Variants in MIER2 observed in about 807,000 individuals in gnomAD.
MIER2 encodes the protein MIER family member 2.
A neutral mutation model predicts 67.6 loss-of-function variants in MIER2; 30 were observed. The ratio of observed to expected loss-of-function variants is 0.44; its 90% CI spans 0.33 to 0.60. The LOEUF is 0.60. MIER2 is among the 20% of genes least tolerant of loss of function. The pLI is 0.02. For missense variants in MIER2, 702 were observed against 745.1 expected (o/e 0.94, Z 0.67); for synonymous variants, 372 against 312.6 (o/e 1.19, Z -2.00).
intron 8 of MIER2, 42 bp downstream of exon 8, chr19:313,450 G>A (rs149676148): frequency 0.011 from 17,462 of 1,595,112 alleles, 112 homozygotes; most frequent in Non-Finnish European, 0.014. Context: ...CCCACGCCAC[G>A]GCAGCCCTCA....
intron 2 of MIER2, among the ~76,000 whole-genome samples, chr19:335,047 TGAA>T (rs1972177021): frequency 6.6e-6 from 1 of 152,180 alleles, no homozygotes; most frequent in Non-Finnish European, 1.5e-5. Context: ...CAGGGCCACA[TGAA>T]GAAGACATGC....
intron 3 of MIER2, among the ~76,000 whole-genome samples, chr19:330,036 T>G (rs1036806248): frequency 1.1e-4 from 17 of 151,798 alleles, no homozygotes; most frequent in African/African-American, 4.1e-4. Flanking sequence ...ATGGAACGAG[T>G]GGTGAGACGA....
At position 307,168 on chromosome 19, in the gene MIER2, C is replaced by A; in HGVS notation, c.1567G>T (p.Ala523Ser). The A allele has an allele frequency of 1.9e-6, 3 of 1,588,026 alleles. No individual in the cohort carries two copies. The highest frequency in any genetic ancestry group is 1.8e-5 in the Admixed American group (1 of 56,214). Residue 523 changes from alanine to serine, a missense_variant, in exon 13 of 14, where the codon GCC becomes TCC. By Grantham distance (99) the Ala-to-Ser change is moderately conservative. Coordinates refer to ENST00000264819, the MANE Select transcript of MIER2 (RefSeq NM_017550.3). ...GIGDVNPFLA[A>S]HPTCPAPGLH... ...CCGGGGGCCGGGCACGTGGGGTGGG[C>A]GGCCAGGAAGGGGTTCACGTCCCCA...
chr19:338,813 G>C (rs1264099141), intron 1 of MIER2, among the ~76,000 whole-genome samples: 1 of 152,110 alleles, frequency 6.6e-6, no homozygotes, highest in Non-Finnish European at 1.5e-5. Flanking sequence ...GGAATGAACA[G>C]TCTTTAACAA....
chr19:323,035 A>C (rs914733629), intron 7 of MIER2, among the ~76,000 whole-genome samples: 1 of 152,168 alleles, frequency 6.6e-6, no homozygotes, highest in South Asian at 2.1e-4. Flanking sequence ...GACACACACA[A>C]CCACACAGAC....
rs200449197 is a variant in MIER2, at chr19:312,241, T to C, written c.839A>G (p.Asn280Ser). ...ALYELVKCNF[N>S]VEEALRRLRF... ...CAGCCTTCGCAGGGCCTCCTCCACATTGAAGTTGCATTTCACCAACTCGTA... is the reference window on the plus strand; with the variant it reads ...CAGCCTTCGCAGGGCCTCCTCCACACTGAAGTTGCATTTCACCAACTCGTA... Residue 280 changes from asparagine to serine, a missense_variant, in exon 9 of 14, where the codon AAT (asparagine) becomes AGT (serine). Coordinates refer to ENST00000264819, the MANE Select transcript of MIER2 (RefSeq NM_017550.3). The C allele has an allele frequency of 1.1e-5, 18 of 1,613,958 alleles. No individual in the cohort carries two copies. Among genetic ancestry groups the C allele is most frequent in the Admixed American group, 5.0e-5 (3 of 60,004 alleles).
At chr19:313,183 C>T (rs1282230101) in intron 8 of MIER2, among the ~76,000 whole-genome samples, 2 of 149,434 alleles carry the variant, frequency 1.3e-5, no homozygotes, top group Non-Finnish European at 3.0e-5. Flanking sequence ...CAGGGACTGG[C>T]ATCAGGGGCC....
chr19:306,530 G>A lies in MIER2; in HGVS notation c.*160C>T, dbSNP rs1011417448. On this transcript the variant is annotated 3_prime_UTR_variant, in exon 14 of 14. Transcript: ENST00000264819. ...TGTGTGGACAGGGGCAAGGGCTCAC[G>A]GCCCAGCCACCTCACCCCAGTCCTG... 1.6e-5 allele frequency: 16 copies of A among 999,684 alleles called. No individual in the cohort carries two copies. The highest frequency in any genetic ancestry group is 2.6e-5 in the East Asian group (1 of 38,334). 61.9% of individuals were successfully genotyped at this position (999,684 alleles called of 1,614,324 possible).
chr19:316,728 G>A (rs1188180082), intron 7 of MIER2, among the ~76,000 whole-genome samples: 1 of 152,224 alleles, frequency 6.6e-6, no homozygotes, highest in Non-Finnish European at 1.5e-5. Context: ...TGTAATGTCA[G>A]CACTTTGGGA....
At chr19:311,063 G>A (rs1459537137) in intron 10 of MIER2, among the ~76,000 whole-genome samples, 1 of 152,354 alleles carries the variant, frequency 6.6e-6, no homozygotes, top group East Asian at 1.9e-4. Context: ...CCGGGCAGGT[G>A]CCTCCTCACC....
At chr19:336,502 T>C (rs1006740029) in intron 1 of MIER2, among the ~76,000 whole-genome samples, 1 of 152,182 alleles carries the variant, frequency 6.6e-6, no homozygotes, top group Admixed American at 6.5e-5. Context: ...AACAACAGCA[T>C]GCACTGGGAG....
At chr19:313,293 G>A (rs1037961216) in intron 8 of MIER2, among the ~76,000 whole-genome samples, 199 bp downstream of exon 8, 8 of 152,148 alleles carry the variant, frequency 5.3e-5, no homozygotes, top group East Asian at 1.9e-4. Context: ...ACCCGGAGGC[G>A]TCTACACCTC....
intron 2 of MIER2, 97 bp downstream of exon 2, chr19:335,986 G>T: frequency 1.7e-6 from 2 of 1,207,608 alleles, no homozygotes; most frequent in African/African-American, 1.5e-5. Flanking sequence ...AAGCCAGTGT[G>T]CCGGTCCACA....
At chr19:328,997 T>G (rs996298457) in intron 3 of MIER2, among the ~76,000 whole-genome samples, 15 of 152,226 alleles carry the variant, frequency 9.9e-5, no homozygotes, top group African/African-American at 3.4e-4. Flanking sequence ...TCTCCAGTGC[T>G]GCTTTCAAAT....
chr19:307,384 C>A lies in MIER2; in HGVS notation c.1351G>T (p.Asp451Tyr), dbSNP rs555185796. 6.2e-7 allele frequency: 1 copy of A among 1,606,980 alleles called. No homozygotes were observed. The highest frequency in any genetic ancestry group is 8.5e-7 in the Non-Finnish European group (1 of 1,177,852). ...PLSHRPPALA[D>Y]PASYQPAVTA... ...ACAGCTGGCTGGTATGAGGCTGGGTCGGCCAGGGCTGGGGGCCGATGGGAC... is the reference window on the plus strand; with the variant it reads ...ACAGCTGGCTGGTATGAGGCTGGGTAGGCCAGGGCTGGGGGCCGATGGGAC... The change falls in exon 13 of 14, where the codon GAC becomes TAC. Residue 451 changes from aspartate (D) to tyrosine (Y), a missense_variant. This residue lies in a region of MIER2 where 254 missense variants were observed against 262.8 expected (regional missense o/e 0.97). Coordinates refer to ENST00000264819, the MANE Select transcript of MIER2 (RefSeq NM_017550.3).
chr19:320,317 T>C (rs764030012), intron 7 of MIER2, among the ~76,000 whole-genome samples: 2 of 151,854 alleles, frequency 1.3e-5, no homozygotes, highest in African/African-American at 4.8e-5. Flanking sequence ...GGAGCAGAGG[T>C]TGCAGTGAGC....
intron 1 of MIER2, chr19:344,410 G>A (rs1438811427): frequency 1.0e-6 from 1 of 983,022 alleles, no homozygotes; most frequent in East Asian, 1.1e-4. Flanking sequence ...GGCCCGGGCC[G>A]GGGCCGGGAA....
At chr19:317,590 C>T (rs965777505) in intron 7 of MIER2, among the ~76,000 whole-genome samples, 1 of 147,346 alleles carries the variant, frequency 6.8e-6, no homozygotes, top group African/African-American at 2.5e-5. Flanking sequence ...ATTAGCCAGG[C>T]ATGGTGGCGG....
chr19:337,762 A>C (rs1009205669), intron 1 of MIER2, among the ~76,000 whole-genome samples: 4 of 150,634 alleles, frequency 2.7e-5, no homozygotes, highest in African/African-American at 9.8e-5. Flanking sequence ...CCAGCTACTC[A>C]GGAGGCTGAG....
Sources: gnomAD v4.1 joint callset for allele counts (sites outside exome capture counted in the v4.1 genomes callset) on GRCh38, gnomAD v4.1.1 for gene constraint, gnomAD v4.1.1 regional missense constraint, MANE v1.5 for transcripts, NCBI Gene and HGNC (gene_info 2026-07-23, HGNC 2026-07-21) for gene names.